Variants in B3GALT1 observed in about 807,000 individuals in gnomAD.
The protein encoded by B3GALT1 is beta-1,3-galactosyltransferase 1, also known as UDP-Gal:betaGlcNAc beta 1,3-galactosyltransferase, polypeptide 1.
A neutral mutation model predicts 23.2 loss-of-function variants in B3GALT1; 10 were observed. That is an observed-to-expected ratio of 0.43 (90% CI 0.27 to 0.73). The LOEUF (loss-of-function observed/expected upper bound fraction) is 0.73. Ranked by LOEUF, B3GALT1 falls within the 30% of genes least tolerant of loss-of-function variation. The pLI is 0.21. For synonymous variants in B3GALT1, 156 were observed against 141.5 expected (o/e 1.10, Z -0.73); for missense variants, 299 against 405.4 (o/e 0.74, Z 2.25).
At chr2:167,473,224 T>C (rs1299104378) in intron 1 of B3GALT1, among the ~76,000 whole-genome samples, 1 of 152,120 alleles carries the variant, frequency 6.6e-6, no homozygotes, top group African/African-American at 2.4e-5. Flanking sequence ...AGTTATCGTG[T>C]AAACATGTCC....
intron 1 of B3GALT1, among the ~76,000 whole-genome samples, chr2:167,327,665 AAAG>A (rs1696915476): frequency 1.3e-5 from 2 of 152,268 alleles, no homozygotes; most frequent in South Asian, 4.1e-4. Context: ...TGTCATCTGC[AAAG>A]AAGGACAGTT....
intron 1 of B3GALT1, among the ~76,000 whole-genome samples, chr2:167,486,060 A>C (rs976097462): frequency 1.3e-5 from 2 of 152,172 alleles, no homozygotes; most frequent in East Asian, 1.9e-4. Context: ...CTTAAGTGCA[A>C]ATATTTATGA....
intron 3 of B3GALT1, among the ~76,000 whole-genome samples, chr2:167,663,201 T>C (rs1686102257): frequency 6.8e-6 from 1 of 147,914 alleles, no homozygotes; most frequent in African/African-American, 2.5e-5. Flanking sequence ...TGAGTGAGAA[T>C]ATGCGGTGTT....
intron 3 of B3GALT1, among the ~76,000 whole-genome samples, chr2:167,728,063 A>G (rs1182015818): frequency 6.6e-6 from 1 of 152,152 alleles, no homozygotes; most frequent in African/African-American, 2.4e-5. Flanking sequence ...GACAAACACA[A>G]TCTTCTGTAT....
At chr2:167,343,493 A>G (rs555623127) in intron 1 of B3GALT1, among the ~76,000 whole-genome samples, 75 of 152,308 alleles carry the variant, frequency 4.9e-4, no homozygotes, top group African/African-American at 1.8e-3. Context: ...CACTGACATG[A>G]TGGCTAAGCA....
intron 3 of B3GALT1, among the ~76,000 whole-genome samples, chr2:167,743,460 C>T (rs535226636): frequency 6.6e-6 from 1 of 151,992 alleles, no homozygotes; most frequent in African/African-American, 2.4e-5. Context: ...TTCTATATCT[C>T]CAATTACTAA....
chr2:167,451,889 C>T (rs1420956294), intron 1 of B3GALT1, among the ~76,000 whole-genome samples: 1 of 152,150 alleles, frequency 6.6e-6, no homozygotes, highest in East Asian at 1.9e-4. Context: ...CGGTGTGGTT[C>T]TCAGGCCAAT....
At chr2:167,627,484 G>A (rs988826927) in intron 2 of B3GALT1, among the ~76,000 whole-genome samples, 4 of 151,634 alleles carry the variant, frequency 2.6e-5, no homozygotes, top group African/African-American at 4.8e-5. Flanking sequence ...ATTCATCCAC[G>A]TTGCTGCATG....
chr2:167,802,923 T>G (rs1363768522), intron 3 of B3GALT1, among the ~76,000 whole-genome samples: 1 of 152,146 alleles, frequency 6.6e-6, no homozygotes, highest in Non-Finnish European at 1.5e-5. Context: ...TTAGTATTTT[T>G]TTATCACAAA....
intron 3 of B3GALT1, among the ~76,000 whole-genome samples, chr2:167,804,057 G>A (rs185301889): frequency 9.9e-5 from 15 of 152,218 alleles, no homozygotes; most frequent in African/African-American, 2.4e-4. Context: ...GTACAGAGGC[G>A]TGATCTCGGC....
chr2:167,492,464 A>C (rs1699723803), intron 2 of B3GALT1, among the ~76,000 whole-genome samples: 1 of 152,248 alleles, frequency 6.6e-6, no homozygotes, highest in African/African-American at 2.4e-5. Context: ...TTGTGTGGAC[A>C]GAAGTTTTCA....
intron 1 of B3GALT1, among the ~76,000 whole-genome samples, chr2:167,450,596 C>T (rs1398450189): frequency 6.6e-6 from 1 of 152,146 alleles, no homozygotes; most frequent in Admixed American, 6.5e-5. Context: ...CTGTAGGTTA[C>T]CTGGTGCTTT....
intron 1 of B3GALT1, among the ~76,000 whole-genome samples, chr2:167,303,158 G>A (rs1470959468): frequency 1.3e-5 from 2 of 152,180 alleles, no homozygotes; most frequent in Non-Finnish European, 2.9e-5. Context: ...TCTGGTTCAT[G>A]AGAATGTACA....
intron 2 of B3GALT1, among the ~76,000 whole-genome samples, chr2:167,599,977 T>C (rs1295108012): frequency 1.3e-5 from 2 of 152,358 alleles, no homozygotes; most frequent in Middle Eastern, 3.4e-3. Flanking sequence ...TTATCTGTAC[T>C]AGAGTAGGAA....
chr2:167,870,114 T>G lies in B3GALT1; in HGVS notation c.*94T>G, dbSNP rs1353546910. On this transcript the variant is annotated 3_prime_UTR_variant, in exon 5 of 5. Coordinates refer to ENST00000392690, the MANE Select transcript of B3GALT1 (RefSeq NM_020981.4). ...CCAGGTGTCGGGGGAAATGAACTGG[T>G]GAAGGGGTTTTGTAAAGTTTTTGCT... 18 of 1,337,592 alleles carry G rather than the reference T, an allele frequency of 1.3e-5. No homozygotes were observed. In the Admixed American group the frequency reaches 4.6e-4, roughly 34 times the overall value. The allele number at this position is 1,337,592 out of a possible 1,614,324, so 82.9% of individuals were successfully genotyped here. A position where few individuals can be genotyped will look rare whatever the true frequency, so the allele number is the denominator to read the frequency against.
chr2:167,509,853 C>T (rs946463724), intron 2 of B3GALT1, among the ~76,000 whole-genome samples: 1 of 152,020 alleles, frequency 6.6e-6, no homozygotes, highest in African/African-American at 2.4e-5. Flanking sequence ...AAAGGAATGA[C>T]GTGATCTGTT....
At chr2:167,813,566 G>A (rs527742346) in intron 3 of B3GALT1, among the ~76,000 whole-genome samples, 190 of 152,088 alleles carry the variant, frequency 1.2e-3, no homozygotes, top group African/African-American at 4.4e-3. Flanking sequence ...TGATGTTTTT[G>A]CAATTACTAC....
intron 2 of B3GALT1, among the ~76,000 whole-genome samples, chr2:167,618,658 C>A (rs2105437444): frequency 6.6e-6 from 1 of 152,082 alleles, no homozygotes; most frequent in East Asian, 1.9e-4. Context: ...TCAGATATTT[C>A]ATTTCATGTC....
At chr2:167,820,503 T>C (rs889921494) in intron 4 of B3GALT1, among the ~76,000 whole-genome samples, 1 of 152,204 alleles carries the variant, frequency 6.6e-6, no homozygotes, top group African/African-American at 2.4e-5. Flanking sequence ...CCTGGCTCCC[T>C]TCCCCTGTGA....
Sources: gnomAD v4.1 joint callset for allele counts (sites outside exome capture counted in the v4.1 genomes callset) on GRCh38, gnomAD v4.1.1 for gene constraint, MANE v1.5 for transcripts, NCBI Gene and HGNC (gene_info 2026-07-23, HGNC 2026-07-21) for gene names.